DOP1A: variants seen among roughly 807,000 people sequenced by gnomAD.
The protein encoded by DOP1A is protein DOP1A.
In DOP1A, 90 loss-of-function variants were observed where a neutral mutation model predicts 267.6. The observed-to-expected ratio is 0.34, with a 90% confidence interval of 0.28 to 0.40. DOP1A has a LOEUF of 0.40. DOP1A is among the 10% of genes least tolerant of loss of function. The pLI is 1.00. For missense variants in DOP1A, 2,437 were observed against 2,900.4 expected, an observed-to-expected ratio of 0.84 and a Z score of 3.67; for synonymous variants, 932 against 999.1, an observed-to-expected ratio of 0.93 and a Z score of 1.27.
At chr6:83,135,509 T>C (rs1203187213) in intron 19 of DOP1A, 110 bp from the exon 20 acceptor site, 2 of 1,167,460 alleles carry the variant, frequency 1.7e-6, no homozygotes, top group Non-Finnish European at 2.4e-6. Flanking sequence ...GAAGTATGAC[T>C]ACTTCAAAAT....
chr6:83,167,538 GA>G (rs898269534), intron 38 of DOP1A: 2 of 1,030,912 alleles, frequency 1.9e-6, no homozygotes, highest in African/African-American at 1.7e-5. Context: ...AGAAACCTGG[GA>G]GCTTTTTGAG....
rs117719545 is a variant in DOP1A at position 83,163,507 on chromosome 6, T to C, written c.7092+588T>C. Among the ~76,000 whole-genome samples, 378 of 152,316 alleles carry C rather than the reference T, an allele frequency of 2.5e-3. 1 individual carries two copies. The highest frequency in any genetic ancestry group is 2.7e-3 in the Non-Finnish European group (186 of 68,028). On this transcript the variant is annotated intron_variant, in intron 38 of 38. Coordinates refer to ENST00000349129, the MANE Select transcript of DOP1A (RefSeq NM_015018.4). ...CGATCAGAATAAAGGAAATAATCAT[T>C]AGCATTCATTCTGTTTATCTATATG... is the stretch of plus-strand genomic sequence containing the variant.
At chr6:83,148,621 C>G (rs902455397) in intron 26 of DOP1A, 138 bp from the exon 27 acceptor site, 3 of 537,310 alleles carry the variant, frequency 5.6e-6, no homozygotes, top group East Asian at 7.4e-5. Flanking sequence ...TGTTGGTTTA[C>G]TAATTAACGT....
At chr6:83,087,976 A>T (rs1379174984) in intron 1 of DOP1A, among the ~76,000 whole-genome samples, 1 of 152,054 alleles carries the variant, frequency 6.6e-6, no homozygotes, top group African/African-American at 2.4e-5. Flanking sequence ...GGTTCATGCC[A>T]TTCTCCTGCC....
At chr6:83,156,494 C>G (rs946399383) in intron 34 of DOP1A, among the ~76,000 whole-genome samples, 1 of 152,176 alleles carries the variant, frequency 6.6e-6, no homozygotes. Flanking sequence ...ACCTGGAGAT[C>G]TGTAATTTGG....
intron 6 of DOP1A, 65 bp downstream of exon 6, chr6:83,110,379 CAT>C: frequency 6.7e-7 from 1 of 1,498,006 alleles, no homozygotes; most frequent in Non-Finnish European, 9.1e-7. Flanking sequence ...CTATTCCAGA[CAT>C]ATATTGAGGA....
chr6:83,097,244 T>G, intron 3 of DOP1A, 129 bp downstream of exon 3: 2 of 1,055,518 alleles, frequency 1.9e-6, no homozygotes, highest in Non-Finnish European at 1.4e-6. Context: ...CTCTTGGTAG[T>G]GCTATTTTTC....
chr6:83,085,182 C>T (rs866289667), intron 1 of DOP1A, among the ~76,000 whole-genome samples: 31 of 152,040 alleles, frequency 2.0e-4, no homozygotes, highest in Non-Finnish European at 3.4e-4. Flanking sequence ...AAAAAACAAA[C>T]GAAAATGGTT....
Position 83,134,974 on chromosome 6 carries a change from C to A in DOP1A, c.2871-645C>A, listed in dbSNP as rs114687827. Among the ~76,000 whole-genome samples, 1,095 of 152,222 alleles carry A rather than the reference C, an allele frequency of 7.2e-3. 10 individuals carry two copies. The highest frequency in any genetic ancestry group is 0.025 in the African/African-American group (1,048 of 41,556). ...TTCAACCAGCATTAGCATTTTAAGT[C>A]ATCTGATACTGAACCATATATTGAA... On this transcript the variant is annotated intron_variant, in intron 19 of 38. Coordinates refer to ENST00000349129, the MANE Select transcript of DOP1A (RefSeq NM_015018.4).
intron 7 of DOP1A, 83 bp downstream of exon 7, chr6:83,113,504 G>C (rs1008158124): frequency 8.1e-6 from 9 of 1,114,542 alleles, no homozygotes; most frequent in Non-Finnish European, 1.2e-5. Flanking sequence ...TTAAAGGCAT[G>C]TGTGTTGAAT....
intron 25 of DOP1A, 143 bp downstream of exon 25, chr6:83,145,801 C>CA (rs1419982751): frequency 2.8e-6 from 2 of 707,832 alleles, no homozygotes; most frequent in African/African-American, 3.6e-5. Context: ...CTGCTTCAAT[C>CA]AAAACAATTA....
intron 1 of DOP1A, among the ~76,000 whole-genome samples, chr6:83,083,962 A>G (rs780093198): frequency 2.0e-5 from 3 of 152,230 alleles, no homozygotes; most frequent in Admixed American, 6.5e-5. Flanking sequence ...TTCAGAGACA[A>G]TTTTTAATAA....
rs372902248 is a variant in DOP1A at position 83,151,844 on chromosome 6, G to A, written c.5905-39G>A. 1,419 of 1,598,816 alleles carry A rather than the reference G, an allele frequency of 8.9e-4. 2 individuals carry two copies. The highest frequency in any genetic ancestry group is 1.1e-3 in the Non-Finnish European group (1,289 of 1,168,088). On this transcript the variant is annotated intron_variant, in intron 28 of 38. Transcript: ENST00000349129. The stretch of plus-strand genomic sequence containing the variant: ...ACAGAAGTTCATAACTAGTGTGCAT[G>A]TGTGTACCATACATAGTTGTTCTTC...
chr6:83,116,310 A>G (rs1477734762), intron 7 of DOP1A, among the ~76,000 whole-genome samples: 1 of 152,106 alleles, frequency 6.6e-6, no homozygotes, highest in East Asian at 1.9e-4. Context: ...TTTCAGTCAT[A>G]TGTGCTTTTG....
chr6:83,113,289 T>G (rs1485692935), intron 6 of DOP1A, 34 bp from the exon 7 acceptor site: 1 of 1,562,798 alleles, frequency 6.4e-7, no homozygotes, highest in East Asian at 2.2e-5. Context: ...CTCAGCATAA[T>G]AGACAATAGA....
At chr6:83,079,239 G>A (rs924950812) in intron 1 of DOP1A, among the ~76,000 whole-genome samples, 1 of 152,152 alleles carries the variant, frequency 6.6e-6, no homozygotes, top group African/African-American at 2.4e-5. Flanking sequence ...GACTTCCTGT[G>A]TAATATTTTG....
At chr6:83,094,916 G>C (rs1771167485) in intron 1 of DOP1A, among the ~76,000 whole-genome samples, 2 of 151,838 alleles carry the variant, frequency 1.3e-5, no homozygotes, top group South Asian at 4.2e-4. Flanking sequence ...TTGTGTTTTT[G>C]GTTTTTAATT....
intron 38 of DOP1A, among the ~76,000 whole-genome samples, chr6:83,163,812 T>G (rs1252939013): frequency 6.6e-6 from 1 of 152,136 alleles, no homozygotes; most frequent in East Asian, 1.9e-4. Context: ...AAGCATCTTC[T>G]TAGAGAAATT....
chr6:83,122,997 C>T lies in DOP1A; in HGVS notation c.1340+15C>T. On this transcript the variant is annotated intron_variant, in intron 12 of 38. Transcript: ENST00000349129. ...GAATGTTGTAGGTATGTTAAACTTTCATTCCTTTTAATTTCGTAACATCTA... is the reference window on the plus strand; with the variant it reads ...GAATGTTGTAGGTATGTTAAACTTTTATTCCTTTTAATTTCGTAACATCTA... The T allele has an allele frequency of 6.4e-7, 1 of 1,573,320 alleles. No homozygotes were observed. Among genetic ancestry groups the T allele is most frequent in the Admixed American group, 2.0e-5 (1 of 49,918 alleles).
Sources: gnomAD v4.1 joint callset for allele counts (sites outside exome capture counted in the v4.1 genomes callset) on GRCh38, gnomAD v4.1.1 for gene constraint, MANE v1.5 for transcripts, NCBI Gene and HGNC (gene_info 2026-07-23, HGNC 2026-07-21) for gene names.